The following MIX23 variants were observed in gnomAD, a reference collection of about 807,000 sequenced individuals.
MIX23 encodes protein MIX23.
MIX23 carries 13 observed loss-of-function variants against 21.6 expected under a neutral mutation model. The observed-to-expected ratio is 0.60, with a 90% confidence interval of 0.39 to 0.96. The LOEUF (loss-of-function observed/expected upper bound fraction) is 0.96, where lower values mean the gene tolerates loss of function less well. Among genes scored for constraint, MIX23 ranks in the 40% least tolerant of loss-of-function variants. The pLI, the probability that MIX23 is intolerant of heterozygous loss-of-function variation, is 0.00. For synonymous variants in MIX23, 59 were observed against 58.0 expected (o/e 1.02, Z -0.08); for missense variants, 144 against 171.2 (o/e 0.84, Z 0.89).
intron 2 of MIX23, 61 bp downstream of exon 2, chr3:122,371,614 T>C: frequency 1.3e-6 from 2 of 1,572,826 alleles, no homozygotes; most frequent in East Asian, 2.2e-5. Flanking sequence ...GATAACTGAT[T>C]TCTTATTCAG....
chr3:122,381,628 G>T (rs901781178), intron 1 of MIX23, among the ~76,000 whole-genome samples: 1 of 151,398 alleles, frequency 6.6e-6, no homozygotes, highest in Non-Finnish European at 1.5e-5. Flanking sequence ...CTCAGGAGGA[G>T]AATCGCTTGA....
chr3:122,359,627 A>T lies in MIX23; in HGVS notation c.*242T>A, dbSNP rs866877447. On this transcript the variant is annotated 3_prime_UTR_variant, in exon 5 of 5. Transcript: ENST00000291458. ...AGAAAATTATTTTAATAGTTACAAA[A>T]ATTTTTTTTTTTTTTTTTTACAGAA... 86 of 254,518 alleles carry T rather than the reference A, an allele frequency of 3.4e-4. No individual in the cohort carries two copies. The highest frequency in any genetic ancestry group is 3.4e-3 in the East Asian group (47 of 13,996). 15.8% of individuals were successfully genotyped at this position (254,518 alleles called of 1,614,324 possible). A position where few individuals can be genotyped will look rare whatever the true frequency, so the allele number is the denominator to read the frequency against.
chr3:122,381,262 G>A (rs2107690032), intron 1 of MIX23, among the ~76,000 whole-genome samples: 1 of 152,212 alleles, frequency 6.6e-6, no homozygotes, highest in Non-Finnish European at 1.5e-5. Flanking sequence ...CAAGTGCCAG[G>A]AGACTAGTAG....
At position 122,368,262 on chromosome 3, in the gene MIX23, CT is replaced by C. The variant is rs775532707; in HGVS notation, c.237del (p.Ala80GlnfsTer2). ...TCTTCTCGGAGGTTTTTTACTACTG[CT>C]GAAGTCTGGGCTATACAGTTTTTTA... Reference protein sequence around the residue: ...RVIKNCIAQTSAVVKNLREER... With the variant: ...RVIKNCIAQTXAVVKNLREER... On this transcript the variant is annotated frameshift_variant, in exon 3 of 5. Coordinates refer to ENST00000291458, the MANE Select transcript of MIX23 (RefSeq NM_001017928.4). LOFTEE classifies it high-confidence loss of function. 4 of 1,610,034 alleles carry C rather than the reference CT, an allele frequency of 2.5e-6. No homozygotes were observed. The highest frequency in any genetic ancestry group is 2.5e-6 in the Non-Finnish European group (3 of 1,179,574).
chr3:122,371,081 T>C lies in MIX23; in HGVS notation c.177+594A>G, dbSNP rs184696252. The stretch of plus-strand genomic sequence containing the variant: ...TAAAAGAATATAGGTAAATAAACTA[T>C]AAAAAAGATTTTGCTGCATCATTAT... On this transcript the variant is annotated intron_variant, in intron 2 of 4. Coordinates refer to ENST00000291458, the MANE Select transcript of MIX23 (RefSeq NM_001017928.4). 1.6e-4 allele frequency among the ~76,000 whole-genome samples: 25 copies of C among 152,266 alleles called. No homozygotes were observed. The South Asian group carries it at 3.1e-3, about 19-fold the overall frequency.
At chr3:122,367,655 G>A (rs2075407094) in intron 3 of MIX23, among the ~76,000 whole-genome samples, 2 of 152,140 alleles carry the variant, frequency 1.3e-5, no homozygotes, top group Admixed American at 1.3e-4. Flanking sequence ...TTATAATGAG[G>A]TACAAGTAAA....
chr3:122,376,726 C>G (rs2075489937), intron 1 of MIX23, among the ~76,000 whole-genome samples: 1 of 152,090 alleles, frequency 6.6e-6, no homozygotes, highest in Non-Finnish European at 1.5e-5. Flanking sequence ...AAATCAAATA[C>G]CAAATGTGCT....
At position 122,363,488 on chromosome 3, in the gene MIX23, G is replaced by T. The variant is rs140816021; in HGVS notation, c.325-461C>A. On this transcript the variant is annotated intron_variant, in intron 3 of 4. Transcript: ENST00000291458. ...TATAAATTGTTACAAAATCTATGGA[G>T]GGCAATTTGGCAAGAATCATAGGAA... Among the ~76,000 whole-genome samples the T allele has an allele frequency of 8.7e-3, 1,327 of 151,874 alleles. 14 individuals carry two copies. Among genetic ancestry groups the T allele is most frequent in the Non-Finnish European group, 0.014 (924 of 68,016 alleles).
chr3:122,380,670 T>C (rs1408656790), intron 1 of MIX23, among the ~76,000 whole-genome samples: 1 of 152,182 alleles, frequency 6.6e-6, no homozygotes, highest in East Asian at 1.9e-4. Context: ...AGGTCTTATA[T>C]GCCATGTTAA....
chr3:122,368,337 G>A lies in MIX23; in HGVS notation c.178-15C>T. ...GCTGCCATCAACTAAAAGAACAAAGGAATGAAAGGAGAAAAAAAAACTGCA... is the reference window on the plus strand; with the variant it reads ...GCTGCCATCAACTAAAAGAACAAAGAAATGAAAGGAGAAAAAAAAACTGCA... On this transcript the variant is annotated splice_polypyrimidine_tract_variant and intron_variant, in intron 2 of 4. Coordinates refer to ENST00000291458, the MANE Select transcript of MIX23 (RefSeq NM_001017928.4). 2 of 1,541,314 alleles carry A rather than the reference G, an allele frequency of 1.3e-6. No homozygotes were observed. The highest frequency in any genetic ancestry group is 2.3e-5 in the Admixed American group (1 of 44,328).
intron 1 of MIX23, among the ~76,000 whole-genome samples, chr3:122,377,084 G>A (rs759882718): frequency 3.9e-5 from 6 of 152,212 alleles, no homozygotes; most frequent in Admixed American, 2.6e-4. Context: ...AGGAGGCTAA[G>A]GCAGGAGAAT....
chr3:122,374,778 A>G (rs1431459666), intron 1 of MIX23, among the ~76,000 whole-genome samples: 2 of 152,202 alleles, frequency 1.3e-5, no homozygotes, highest in Non-Finnish European at 2.9e-5. Context: ...GGAGATAGAA[A>G]TTAAACAAGT....
chr3:122,368,036 A>G, intron 3 of MIX23, 140 bp downstream of exon 3: 1 of 697,178 alleles, frequency 1.4e-6, no homozygotes, highest in Non-Finnish European at 2.4e-6. Context: ...AAAGCTCACT[A>G]AAAATGAAGC....
At chr3:122,361,346 C>T (rs112608667) in intron 4 of MIX23, among the ~76,000 whole-genome samples, 2,002 of 151,732 alleles carry the variant, frequency 0.013, 21 homozygotes, top group Non-Finnish European at 0.017. Context: ...CTGACATTTC[C>T]CTGAAATTCC....
chr3:122,373,121 A>G, intron 1 of MIX23: 1 of 336,586 alleles, frequency 3.0e-6, no homozygotes, highest in South Asian at 2.6e-5. Context: ...TCCATAGTTA[A>G]CCATTATCAA....
Position 122,359,850 on chromosome 3 carries a change from A to C in MIX23, c.*19T>G. The C allele has an allele frequency of 6.8e-7, 1 of 1,467,272 alleles. No individual in the cohort carries two copies. Among genetic ancestry groups the C allele is most frequent in the Non-Finnish European group, 9.0e-7 (1 of 1,113,692 alleles). 90.9% of individuals were successfully genotyped at this position (1,467,272 alleles called of 1,614,324 possible). ...GTCCTTAAAAAAAAAAAAAAAAAAA[A>C]AAAAAAAAGAATCTCTCTTTATTCA... On this transcript the variant is annotated 3_prime_UTR_variant, in exon 5 of 5. Coordinates refer to ENST00000291458, the MANE Select transcript of MIX23 (RefSeq NM_001017928.4).
chr3:122,363,152 AT>A (rs1263218244), intron 3 of MIX23, 125 bp from the exon 4 acceptor site: 10 of 714,200 alleles, frequency 1.4e-5, no homozygotes, highest in Non-Finnish European at 2.3e-5. Context: ...CTGCTCTAGT[AT>A]TTTTGTCTGT....
rs898789011 is a variant in MIX23 at position 122,363,681 on chromosome 3, T to C, written c.325-654A>G. ...CCTCAGGGAGGAAAGAGAATATACA[T>C]GGAAGTGATCTAGAAAGGCATGCGT... On this transcript the variant is annotated intron_variant, in intron 3 of 4. Transcript: ENST00000291458. Among the ~76,000 whole-genome samples the C allele has an allele frequency of 5.3e-5, 8 of 151,838 alleles. No homozygotes were observed. In the East Asian group the frequency reaches 9.6e-4, roughly 18 times the overall value.
chr3:122,376,002 A>G (rs2075483627), intron 1 of MIX23, among the ~76,000 whole-genome samples: 1 of 151,942 alleles, frequency 6.6e-6, no homozygotes, highest in South Asian at 2.1e-4. Flanking sequence ...TCTCTACTAA[A>G]AATACAAAAA....
Sources: gnomAD v4.1 joint callset for allele counts (sites outside exome capture counted in the v4.1 genomes callset) on GRCh38, gnomAD v4.1.1 for gene constraint, MANE v1.5 for transcripts, NCBI Gene and HGNC (gene_info 2026-07-23, HGNC 2026-07-21) for gene names.